The following PIK3C2A variants were observed in gnomAD, a reference collection of about 807,000 sequenced individuals.
PIK3C2A encodes phosphatidylinositol 4-phosphate 3-kinase C2 domain-containing subunit alpha.
In PIK3C2A, 97 loss-of-function variants were observed where a neutral mutation model predicts 204.5. That is an observed-to-expected ratio of 0.47 (90% CI 0.40 to 0.56). The LOEUF is 0.56. PIK3C2A is among the 20% of genes least tolerant of loss of function. PIK3C2A has a pLI of 0.00. For missense variants in PIK3C2A, 1,735 were observed against 1,969.2 expected (o/e 0.88, Z 2.25); for synonymous variants, 653 against 664.4 (o/e 0.98, Z 0.26).
chr11:17,117,814 C>T (rs1251981154), intron 18 of PIK3C2A, 143 bp from the exon 19 acceptor site: 6 of 504,962 alleles, frequency 1.2e-5, no homozygotes, highest in East Asian at 9.6e-5. Context: ...CCCGGGTTCA[C>T]GCCATTCTCC....
intron 2 of PIK3C2A, among the ~76,000 whole-genome samples, chr11:17,163,479 T>C (rs185479220): frequency 6.7e-4 from 102 of 152,236 alleles, no homozygotes; most frequent in African/African-American, 2.3e-3. Flanking sequence ...TCATAGCTCA[T>C]TGCAGCCTCA....
chr11:17,184,297 T>C (rs1452093103), intron 1 of PIK3C2A, among the ~76,000 whole-genome samples: 1 of 151,912 alleles, frequency 6.6e-6, no homozygotes, highest in Non-Finnish European at 1.5e-5. Flanking sequence ...ACGGCATTGT[T>C]ATCCTAGGAG....
chr11:17,090,045 A>G lies in PIK3C2A; in HGVS notation c.4879-125T>C. 8.8e-6 allele frequency: 6 copies of G among 682,210 alleles called. No individual in the cohort carries two copies. The South Asian group carries it at 1.2e-4, about 14-fold the overall frequency. The allele number at this position is 682,210 out of a possible 1,614,324, so 42.3% of individuals were successfully genotyped here. ...ACCACAATGAGTGACACTGATTATG[A>G]CACATCCGGTAGGTTTTGTCTGAAT... On this transcript the variant is annotated intron_variant, in intron 32 of 32. Coordinates refer to ENST00000691414, the MANE Select transcript of PIK3C2A (RefSeq NM_002645.4).
At chr11:17,181,649 T>TAC (rs1851566443) in intron 1 of PIK3C2A, among the ~76,000 whole-genome samples, 4 of 65,596 alleles carry the variant, frequency 6.1e-5, no homozygotes, top group African/African-American at 3.2e-4. Flanking sequence ...TATATATATA[T>TAC]ATATATATAT....
intron 1 of PIK3C2A, among the ~76,000 whole-genome samples, chr11:17,195,938 C>T (rs1213967509): frequency 6.6e-6 from 1 of 151,632 alleles, no homozygotes; most frequent in African/African-American, 2.4e-5. Flanking sequence ...ACTTGGGAGG[C>T]TGAGGCAGGA....
intron 1 of PIK3C2A, among the ~76,000 whole-genome samples, chr11:17,184,941 A>G (rs1175399473): frequency 1.3e-5 from 2 of 152,034 alleles, no homozygotes; most frequent in African/African-American, 2.4e-5. Flanking sequence ...ACTGTCTAAA[A>G]AAGATTTTTT....
chr11:17,088,641 A>C lies in PIK3C2A; in HGVS notation c.*1097T>G, dbSNP rs1210266741. 6.6e-6 allele frequency: 1 copy of C among 152,256 alleles called. No homozygotes were observed. The highest frequency in any genetic ancestry group is 1.9e-4 in the East Asian group (1 of 5,204). 9.4% of individuals were successfully genotyped at this position (152,256 alleles called of 1,614,324 possible). A position where few individuals can be genotyped will look rare whatever the true frequency, so the allele number is the denominator to read the frequency against. On this transcript the variant is annotated 3_prime_UTR_variant, in exon 33 of 33. Coordinates refer to ENST00000691414, the MANE Select transcript of PIK3C2A (RefSeq NM_002645.4). ...GGAAAATAACTTTTCATGTGAATGT[A>C]AAATGTTTACACACATAAGTAAGAC... is the stretch of plus-strand genomic sequence containing the variant.
At chr11:17,125,011 CTTCTAA>C (rs933944526) in intron 13 of PIK3C2A, among the ~76,000 whole-genome samples, 53 of 152,272 alleles carry the variant, frequency 3.5e-4, no homozygotes, top group African/African-American at 1.3e-3. Flanking sequence ...TTGTATACTA[CTTCTAA>C]TTCTATCAAA....
chr11:17,135,014 T>C lies in PIK3C2A; in HGVS notation c.1913A>G (p.Glu638Gly), dbSNP rs755429796. ...GTTTATGCTTACTTGAACAGGATTT[T>C]CAGGATTAAGTGAGCCTAGATTAAA... Reference protein sequence around the residue: ...RSSTRGSLNPENPVQVSINQL... With the variant: ...RSSTRGSLNPGNPVQVSINQL... Residue 638 changes from glutamate (E) to glycine (G), a missense_variant, in exon 11 of 33, where the codon GAA (glutamate) becomes GGA (glycine). Glu to Gly is a moderately conservative substitution (Grantham distance 98). Transcript: ENST00000691414. The C allele has an allele frequency of 2.5e-6, 4 of 1,614,022 alleles. No homozygotes were observed.
At chr11:17,189,407 G>A (rs1851865255) in intron 1 of PIK3C2A, among the ~76,000 whole-genome samples, 1 of 146,016 alleles carries the variant, frequency 6.8e-6, no homozygotes, top group Admixed American at 6.6e-5. Context: ...CTGAGGTCAG[G>A]AGTTCAAGAC....
At chr11:17,117,720 T>TTG in intron 18 of PIK3C2A, 49 bp from the exon 19 acceptor site, 2 of 1,194,520 alleles carry the variant, frequency 1.7e-6, no homozygotes, top group Non-Finnish European at 2.3e-6. Context: ...TTTTTTTTTT[T>TTG]TTTTTTTTTT....
intron 15 of PIK3C2A, among the ~76,000 whole-genome samples, chr11:17,121,037 G>GT (rs980216262): frequency 1.3e-5 from 2 of 152,096 alleles, no homozygotes; most frequent in Non-Finnish European, 2.9e-5. Flanking sequence ...ATTTTTAATA[G>GT]TTACATGGTT....
At chr11:17,120,319 C>T (rs767365737) in intron 15 of PIK3C2A, among the ~76,000 whole-genome samples, 4 of 151,754 alleles carry the variant, frequency 2.6e-5, no homozygotes, top group Non-Finnish European at 5.9e-5. Flanking sequence ...AGGATTTCAT[C>T]CATTTCGTAC....
chr11:17,091,710 C>T, intron 30 of PIK3C2A, 54 bp from the exon 31 acceptor site: 1 of 1,194,648 alleles, frequency 8.4e-7, no homozygotes, highest in Non-Finnish European at 1.2e-6. Context: ...GTTCAAGCTG[C>T]AATAAAAGGA....
chr11:17,154,081 G>T (rs765577004), intron 3 of PIK3C2A, among the ~76,000 whole-genome samples: 8 of 152,164 alleles, frequency 5.3e-5, no homozygotes, highest in Non-Finnish European at 7.3e-5. Context: ...ATTTAAGTGT[G>T]TGCGTGTGTG....
intron 12 of PIK3C2A, among the ~76,000 whole-genome samples, chr11:17,130,422 T>C (rs998407569): frequency 2.6e-5 from 4 of 152,102 alleles, no homozygotes; most frequent in African/African-American, 9.7e-5. Flanking sequence ...AATAAGACAA[T>C]AGGAAAACAT....
chr11:17,198,369 C>A (rs112603117), intron 1 of PIK3C2A, among the ~76,000 whole-genome samples: 2 of 151,652 alleles, frequency 1.3e-5, no homozygotes, highest in African/African-American at 4.8e-5. Context: ...CTCAGCCTCC[C>A]AAAGTGCTGG....
intron 1 of PIK3C2A, among the ~76,000 whole-genome samples, chr11:17,205,596 T>C (rs1852542680): frequency 6.6e-6 from 1 of 151,998 alleles, no homozygotes; most frequent in Non-Finnish European, 1.5e-5. Flanking sequence ...CTCAGGAAAT[T>C]CAACACTCTT....
rs147974022 is a variant in PIK3C2A at position 17,149,331 on chromosome 11, T to C, written c.1328-544A>G. On this transcript the variant is annotated intron_variant, in intron 4 of 32. Transcript: ENST00000691414. Reference sequence around the variant, plus strand: ...TATATATATACCTACTATGTACCCATACAAGTTAAAAATTTAAAAATTAAA... The same window carrying C: ...TATATATATACCTACTATGTACCCACACAAGTTAAAAATTTAAAAATTAAA... 4.3e-4 allele frequency among the ~76,000 whole-genome samples: 65 copies of C among 152,152 alleles called. No individual in the cohort carries two copies. The East Asian group carries it at 0.011, about 26-fold the overall frequency.
Sources: gnomAD v4.1 joint callset for allele counts (sites outside exome capture counted in the v4.1 genomes callset) on GRCh38, gnomAD v4.1.1 for gene constraint, MANE v1.5 for transcripts, NCBI Gene and HGNC (gene_info 2026-07-23, HGNC 2026-07-21) for gene names.